HS2ST1: variants seen among roughly 807,000 people sequenced by gnomAD.
The protein encoded by HS2ST1 is heparan sulfate 2-O-sulfotransferase 1.
Under a neutral mutation model 42.9 loss-of-function variants are expected in HS2ST1, and 18 were observed. The observed-to-expected ratio is 0.42, with a 90% CI of 0.29 to 0.62. HS2ST1 has a LOEUF of 0.62. Ranked by LOEUF, HS2ST1 falls within the 20% of genes least tolerant of loss-of-function variation. HS2ST1 has a pLI of 0.21. For missense variants in HS2ST1, 334 were observed against 433.8 expected, an observed-to-expected ratio of 0.77 and a Z score of 2.04; for synonymous variants, 146 against 152.9, an observed-to-expected ratio of 0.95 and a Z score of 0.33.
chr1:87,098,792 A>AT (rs1557545702), intron 5 of HS2ST1, among the ~76,000 whole-genome samples: 1 of 151,926 alleles, frequency 6.6e-6, no homozygotes. Flanking sequence ...TTTATTTTTT[A>AT]TTTTTTTGAG....
At position 86,941,338 on chromosome 1, in the gene HS2ST1, AGTT is replaced by A. The variant is rs1348706877; in HGVS notation, c.124+26179_124+26181del. On this transcript the variant is annotated intron_variant, in intron 1 of 6. Coordinates refer to ENST00000370550, the MANE Select transcript of HS2ST1 (RefSeq NM_012262.4). ...GACCAAAATCTTTTCTTAGCCATGG[AGTT>A]TTTATTCTTGGGGAGGGGCTGCCAG... Among the ~76,000 whole-genome samples the A allele has an allele frequency of 8.0e-5, 12 of 149,094 alleles. No individual in the cohort carries two copies. The South Asian group carries it at 2.5e-3, about 31-fold the overall frequency.
chr1:87,000,104 A>G (rs1208558382), intron 1 of HS2ST1, among the ~76,000 whole-genome samples: 1 of 37,606 alleles, frequency 2.7e-5, no homozygotes, highest in Non-Finnish European at 9.0e-5. Context: ...ATCTTGACTC[A>G]TTAAAAAAAA....
At chr1:86,972,104 A>G (rs962777542) in intron 1 of HS2ST1, among the ~76,000 whole-genome samples, 1 of 152,232 alleles carries the variant, frequency 6.6e-6, no homozygotes, top group Non-Finnish European at 1.5e-5. Context: ...AAGTGCATTC[A>G]TTATTGCAGT....
intron 1 of HS2ST1, among the ~76,000 whole-genome samples, chr1:86,992,796 G>A (rs1312859238): frequency 1.3e-5 from 2 of 152,218 alleles, no homozygotes; most frequent in Non-Finnish European, 2.9e-5. Flanking sequence ...GTTAACGTAA[G>A]TTTTATTTGA....
At chr1:86,968,277 CTA>C (rs1407952920) in intron 1 of HS2ST1, among the ~76,000 whole-genome samples, 3 of 152,136 alleles carry the variant, frequency 2.0e-5, no homozygotes, top group Admixed American at 1.3e-4. Flanking sequence ...CTGATTTGCA[CTA>C]TATTTCCTTT....
chr1:87,064,999 A>C lies in HS2ST1; in HGVS notation c.125-7935A>C, dbSNP rs181502537. Among the ~76,000 whole-genome samples the C allele has an allele frequency of 1.4e-3, 211 of 152,318 alleles. 1 individual carries two copies. Among genetic ancestry groups the C allele is most frequent in the Middle Eastern group, 3.4e-3 (1 of 294 alleles). On this transcript the variant is annotated intron_variant, in intron 1 of 6. Transcript: ENST00000370550. Reference sequence around the variant, plus strand: ...CAATACTCTTAAGAAAATAGTGTATACAGTCAGACAGTCAATTTACTTAAT... The same window carrying C: ...CAATACTCTTAAGAAAATAGTGTATCCAGTCAGACAGTCAATTTACTTAAT...
rs769171366 is a variant in HS2ST1, at chr1:87,073,222, C to G, written c.363+50C>G. On this transcript the variant is annotated intron_variant, in intron 2 of 6. Transcript: ENST00000370550. The stretch of plus-strand genomic sequence containing the variant: ...AAATATTTTCTAATACTTCCTCACT[C>G]AAATTTTCTAGCTCAAGGGGATAAA... The G allele has an allele frequency of 1.8e-5, 23 of 1,262,652 alleles. 1 individual carries two copies. Among genetic ancestry groups the G allele is most frequent in the Non-Finnish European group, 2.7e-5 (23 of 864,458 alleles). 78.2% of individuals were successfully genotyped at this position (1,262,652 alleles called of 1,614,324 possible).
At chr1:86,980,254 G>A (rs1570461055) in intron 1 of HS2ST1, among the ~76,000 whole-genome samples, 1 of 151,996 alleles carries the variant, frequency 6.6e-6, no homozygotes, top group East Asian at 1.9e-4. Flanking sequence ...ACAAATTAAT[G>A]AATACAAAAT....
chr1:87,090,947 T>C (rs572596948), intron 3 of HS2ST1, among the ~76,000 whole-genome samples: 3 of 152,136 alleles, frequency 2.0e-5, no homozygotes, highest in Admixed American at 2.0e-4. Context: ...AGACTAGTGA[T>C]GTCTTCCCAA....
intron 1 of HS2ST1, among the ~76,000 whole-genome samples, chr1:86,973,282 T>C (rs1422470225): frequency 6.6e-6 from 1 of 152,034 alleles, no homozygotes; most frequent in African/African-American, 2.4e-5. Context: ...TCAAAATCAA[T>C]CTTTCCTTTT....
At chr1:86,927,153 A>G (rs1033794025) in intron 1 of HS2ST1, among the ~76,000 whole-genome samples, 1 of 152,198 alleles carries the variant, frequency 6.6e-6, no homozygotes, top group African/African-American at 2.4e-5. Flanking sequence ...TATTCCTTCC[A>G]GAATACCTTT....
At chr1:87,045,419 G>C in intron 1 of HS2ST1, 1 of 1,452,820 alleles carries the variant, frequency 6.9e-7, no homozygotes. Context: ...TTGGACATCT[G>C]GTGCTACCAT....
intron 1 of HS2ST1, among the ~76,000 whole-genome samples, chr1:87,010,568 G>T (rs1233855220): frequency 3.3e-5 from 5 of 151,822 alleles, no homozygotes; most frequent in African/African-American, 1.2e-4. Flanking sequence ...GAGAAATTTG[G>T]AGTAACAAAT....
At position 87,085,015 on chromosome 1, in the gene HS2ST1, A is replaced by G. The variant is rs74099282; in HGVS notation, c.449+736A>G. 4.1e-3 allele frequency among the ~76,000 whole-genome samples: 626 copies of G among 152,308 alleles called. 4 individuals are homozygous for G. Among genetic ancestry groups the G allele is most frequent in the African/African-American group, 0.015 (603 of 41,562 alleles). ...TGCCTACTCACAGTATTCAAGTACT[A>G]TGTGGCTTTCTGTACAGTCTGTGCC... On this transcript the variant is annotated intron_variant, in intron 3 of 6. Coordinates refer to ENST00000370550, the MANE Select transcript of HS2ST1 (RefSeq NM_012262.4).
At chr1:87,088,022 T>C (rs1206600432) in intron 3 of HS2ST1, among the ~76,000 whole-genome samples, 5 of 152,090 alleles carry the variant, frequency 3.3e-5, no homozygotes, top group African/African-American at 9.7e-5. Context: ...GTGGTGAGGA[T>C]TAAATGTGAT....
chr1:86,946,196 A>G (rs1647331000), intron 1 of HS2ST1, among the ~76,000 whole-genome samples: 3 of 152,144 alleles, frequency 2.0e-5, no homozygotes, highest in Non-Finnish European at 1.5e-5. Flanking sequence ...TATTTTTGTT[A>G]TTATTGTTTA....
intron 1 of HS2ST1, among the ~76,000 whole-genome samples, chr1:86,996,630 C>T (rs868536996): frequency 6.6e-6 from 1 of 152,142 alleles, no homozygotes; most frequent in Middle Eastern, 3.4e-3. Flanking sequence ...CCTACAATTA[C>T]ATTTTCCAGC....
intron 1 of HS2ST1, among the ~76,000 whole-genome samples, chr1:86,973,151 A>T (rs894547937): frequency 4.6e-5 from 7 of 151,800 alleles, no homozygotes; most frequent in Non-Finnish European, 1.0e-4. Flanking sequence ...ACACTTTGAG[A>T]CTATGCAGAT....
At chr1:87,065,951 C>T (rs914364752) in intron 1 of HS2ST1, among the ~76,000 whole-genome samples, 2 of 152,082 alleles carry the variant, frequency 1.3e-5, no homozygotes, top group African/African-American at 4.8e-5. Context: ...CAATTTATTG[C>T]TCTTTCTCTT....
Sources: allele counts gnomAD v4.1 joint callset (sites outside exome capture counted in the v4.1 genomes callset), GRCh38; gene constraint gnomAD v4.1.1; transcripts MANE v1.5; gene names NCBI Gene and HGNC (gene_info 2026-07-23, HGNC 2026-07-21).